The following PDE1A variants were observed in gnomAD, a reference collection of about 807,000 sequenced individuals.
PDE1A encodes the protein dual specificity calcium/calmodulin-dependent 3',5'-cyclic nucleotide phosphodiesterase 1A.
Under a neutral mutation model 61.7 loss-of-function variants are expected in PDE1A, and 35 were observed. The ratio of observed to expected loss-of-function variants is 0.57; its 90% CI spans 0.43 to 0.75. PDE1A has a LOEUF of 0.75. PDE1A is among the 30% of genes least tolerant of loss of function. PDE1A has a pLI of 0.00. For missense variants in PDE1A, 597 were observed against 630.6 expected, an observed-to-expected ratio of 0.95 and a Z score of 0.57; for synonymous variants, 232 against 213.2, an observed-to-expected ratio of 1.09 and a Z score of -0.77.
At chr2:182,452,877 C>T (rs1218246582) in intron 2 of PDE1A, among the ~76,000 whole-genome samples, 2 of 152,132 alleles carry the variant, frequency 1.3e-5, no homozygotes, top group Non-Finnish European at 2.9e-5. Context: ...TTTCTTCCCA[C>T]TCCACATCCA....
intron 1 of PDE1A, among the ~76,000 whole-genome samples, chr2:182,273,470 A>C (rs189071271): frequency 2.0e-5 from 3 of 151,354 alleles, no homozygotes; most frequent in African/African-American, 7.3e-5. Flanking sequence ...TTTAACATAA[A>C]AAATATATAT....
intron 1 of PDE1A, among the ~76,000 whole-genome samples, chr2:182,317,881 C>CT (rs1696448658): frequency 6.6e-6 from 1 of 152,074 alleles, no homozygotes; most frequent in Admixed American, 6.6e-5. Flanking sequence ...AAACAAATCA[C>CT]TTTTTTGTAA....
At chr2:182,644,859 C>G in the PDE1A span, among the ~76,000 whole-genome samples, 1 of 151,654 alleles carries the variant, frequency 6.6e-6, no homozygotes, top group Non-Finnish European at 1.5e-5. Context: ...GGAAAAAAAA[C>G]CATAATATAA....
the PDE1A span, among the ~76,000 whole-genome samples, chr2:182,546,025 T>C: frequency 6.6e-6 from 1 of 152,288 alleles, no homozygotes; most frequent in East Asian, 1.9e-4. Flanking sequence ...GAATAACCCA[T>C]TGCTCCCTTC....
At chr2:182,419,839 G>A (rs1703162825) in intron 1 of PDE1A, among the ~76,000 whole-genome samples, 1 of 152,018 alleles carries the variant, frequency 6.6e-6, no homozygotes, top group African/African-American at 2.4e-5. Flanking sequence ...TACCAGTGTG[G>A]TCCCTGTAGG....
chr2:182,381,638 T>C (rs141335427), intron 1 of PDE1A, among the ~76,000 whole-genome samples: 5,047 of 151,934 alleles, frequency 0.033, 142 homozygotes, highest in African/African-American at 0.076. Context: ...AGGGTGAAAC[T>C]CCATCTCTAA....
intron 2 of PDE1A, among the ~76,000 whole-genome samples, chr2:182,517,872 G>A (rs1013464633): frequency 5.9e-5 from 9 of 152,052 alleles, no homozygotes; most frequent in East Asian, 1.9e-4. Flanking sequence ...ACTTCCCTAC[G>A]CAACTCCAAA....
At chr2:182,384,823 A>G (rs938844999) in intron 1 of PDE1A, among the ~76,000 whole-genome samples, 1 of 152,174 alleles carries the variant, frequency 6.6e-6, no homozygotes, top group Admixed American at 6.5e-5. Flanking sequence ...GAAAGGTCAA[A>G]TATCTCCAAT....
chr2:182,290,620 C>T (rs1694465395), intron 1 of PDE1A, among the ~76,000 whole-genome samples: 1 of 151,958 alleles, frequency 6.6e-6, no homozygotes, highest in African/African-American at 2.4e-5. Flanking sequence ...ATTTCTATGG[C>T]TTGTATGCCT....
chr2:182,368,094 C>T (rs1310731066), intron 1 of PDE1A, among the ~76,000 whole-genome samples: 1 of 152,118 alleles, frequency 6.6e-6, no homozygotes, highest in Non-Finnish European at 1.5e-5. Context: ...TCTATCTCCA[C>T]CTACTTATAT....
At chr2:182,588,718 A>T in the PDE1A span, among the ~76,000 whole-genome samples, 1 of 152,200 alleles carries the variant, frequency 6.6e-6, no homozygotes, top group African/African-American at 2.4e-5. Flanking sequence ...AAAGATATTC[A>T]ACAAAAGGTA....
the PDE1A span, among the ~76,000 whole-genome samples, chr2:182,688,921 A>C: frequency 6.6e-6 from 1 of 152,212 alleles, no homozygotes; most frequent in African/African-American, 2.4e-5. Context: ...AAAGATCAAA[A>C]GGACAAAGAA....
intron 2 of PDE1A, among the ~76,000 whole-genome samples, chr2:182,249,661 G>T (rs1442900850): frequency 6.6e-6 from 1 of 151,974 alleles, no homozygotes; most frequent in Non-Finnish European, 1.5e-5. Context: ...GAGTCCATTA[G>T]TATTATCTCT....
chr2:182,590,157 AGAG>A, the PDE1A span, among the ~76,000 whole-genome samples: 1 of 152,196 alleles, frequency 6.6e-6, no homozygotes, highest in Admixed American at 6.5e-5. Context: ...ACAACCTGGC[AGAG>A]GAGACTGAAA....
the PDE1A span, among the ~76,000 whole-genome samples, chr2:182,541,322 A>C: frequency 1.5e-3 from 227 of 152,338 alleles, 2 homozygotes; most frequent in Non-Finnish European, 1.4e-3. Flanking sequence ...TAAACACTTA[A>C]GCTCTCTATA....
chr2:182,589,737 C>T, the PDE1A span, among the ~76,000 whole-genome samples: 3 of 152,262 alleles, frequency 2.0e-5, no homozygotes, highest in African/African-American at 7.2e-5. Flanking sequence ...GCCTACAAAT[C>T]GAGAATACTC....
chr2:182,187,414 A>G (rs1045211969), intron 11 of PDE1A, among the ~76,000 whole-genome samples: 2 of 152,188 alleles, frequency 1.3e-5, no homozygotes, highest in Non-Finnish European at 2.9e-5. Flanking sequence ...CCCAGATCCC[A>G]GGACTGCTGT....
the PDE1A span, among the ~76,000 whole-genome samples, chr2:182,592,842 TCA>T: frequency 2.6e-4 from 40 of 152,054 alleles, no homozygotes; most frequent in Non-Finnish European, 5.1e-4. Context: ...GACATCTCTT[TCA>T]CACACACTGT....
chr2:182,242,167 C>T (rs1690567908), intron 2 of PDE1A: 1 of 806,888 alleles, frequency 1.2e-6, no homozygotes, highest in African/African-American at 1.8e-5. Flanking sequence ...GGTGCCAATT[C>T]CTCCACAGTA....
Sources: allele counts gnomAD v4.1 joint callset (sites outside exome capture counted in the v4.1 genomes callset), GRCh38; gene constraint gnomAD v4.1.1; transcripts MANE v1.5; gene names NCBI Gene and HGNC (gene_info 2026-07-23, HGNC 2026-07-21).